The following GRB10 variants were observed in gnomAD, a reference collection of about 807,000 sequenced individuals.
The protein encoded by GRB10 is growth factor receptor-bound protein 10.
GRB10 carries 20 observed loss-of-function variants against 80.9 expected under a neutral mutation model. That is an observed-to-expected ratio of 0.25 (90% CI 0.17 to 0.36). The LOEUF (loss-of-function observed/expected upper bound fraction) is 0.36. GRB10 is among the 10% of genes least tolerant of loss of function. The pLI, the probability that GRB10 is intolerant of heterozygous loss-of-function variation, is 1.00. For missense variants in GRB10, 548 were observed against 747.7 expected, an observed-to-expected ratio of 0.73 and a Z score of 3.12; for synonymous variants, 291 against 291.5, an observed-to-expected ratio of 1.00 and a Z score of 0.02.
chr7:50,668,491 C>T (rs1185346708), intron 7 of GRB10, among the ~76,000 whole-genome samples: 1 of 152,262 alleles, frequency 6.6e-6, no homozygotes, highest in African/African-American at 2.4e-5. Flanking sequence ...CATCAGGTCT[C>T]AGCCACACTC....
intron 2 of GRB10, among the ~76,000 whole-genome samples, chr7:50,762,596 T>C (rs2075880583): frequency 6.6e-6 from 1 of 152,184 alleles, no homozygotes; most frequent in South Asian, 2.1e-4. Context: ...AATAAGATCA[T>C]GGATAGCTGG....
At chr7:50,627,080 C>G in intron 7 of GRB10, 102 bp from the exon 8 acceptor site, 4 of 1,199,076 alleles carry the variant, frequency 3.3e-6, no homozygotes, top group Non-Finnish European at 3.7e-6. Context: ...TAGTAGTGCT[C>G]CAACACATGG....
chr7:50,663,712 T>A (rs1472782007), intron 7 of GRB10, among the ~76,000 whole-genome samples: 1 of 152,192 alleles, frequency 6.6e-6, no homozygotes, highest in East Asian at 1.9e-4. Flanking sequence ...TGTGCAGACA[T>A]CATTTTGAAA....
intron 7 of GRB10, among the ~76,000 whole-genome samples, chr7:50,669,199 G>A (rs543392899): frequency 6.6e-6 from 1 of 152,294 alleles, no homozygotes; most frequent in South Asian, 2.1e-4. Flanking sequence ...AAAATATAAA[G>A]ATAAAACAGA....
chr7:50,710,857 T>C (rs1238443248), intron 4 of GRB10: 10 of 1,612,320 alleles, frequency 6.2e-6, no homozygotes, highest in Non-Finnish European at 8.5e-6. Flanking sequence ...GAGTGTTCGG[T>C]AGACAGCGGG....
intron 3 of GRB10, among the ~76,000 whole-genome samples, chr7:50,735,669 T>C (rs191018647): frequency 3.3e-5 from 5 of 152,316 alleles, no homozygotes; most frequent in East Asian, 1.9e-4. Context: ...TCTTACCTTA[T>C]GGTCAAACTC....
At chr7:50,595,771 G>C in intron 17 of GRB10, 1 of 473,610 alleles carries the variant, frequency 2.1e-6, no homozygotes, top group South Asian at 2.1e-5. Context: ...GGGCTCCTTG[G>C]GGATATGCCT....
intron 5 of GRB10, among the ~76,000 whole-genome samples, chr7:50,702,966 CT>C (rs889030481): frequency 2.0e-5 from 3 of 152,210 alleles, no homozygotes; most frequent in Non-Finnish European, 4.4e-5. Context: ...TTAAAATTTT[CT>C]TAAGCTTTGA....
intron 17 of GRB10, among the ~76,000 whole-genome samples, chr7:50,602,685 A>C (rs2047812341): frequency 6.6e-6 from 1 of 152,212 alleles, no homozygotes; most frequent in Admixed American, 6.5e-5. Context: ...ACCTTAAATA[A>C]CCTCAACTTA....
At chr7:50,785,993 C>T (rs191868046), upstream of GRB10, among the ~76,000 whole-genome samples, 20 of 152,150 alleles carry the variant, frequency 1.3e-4, no homozygotes, top group East Asian at 1.7e-3. Flanking sequence ...AGAGGCTGTG[C>T]GTGTGTGGGG....
chr7:50,638,444 A>G (rs900897015), intron 7 of GRB10, among the ~76,000 whole-genome samples: 2 of 152,212 alleles, frequency 1.3e-5, no homozygotes, highest in African/African-American at 4.8e-5. Flanking sequence ...ATGAACAGAC[A>G]TTTCTCAAAA....
chr7:50,724,975 T>C (rs2068361407), intron 4 of GRB10, among the ~76,000 whole-genome samples: 1 of 152,264 alleles, frequency 6.6e-6, no homozygotes, highest in Non-Finnish European at 1.5e-5. Context: ...CCTTTCCAAG[T>C]CTGCGTGCGC....
chr7:50,636,805 C>T (rs2055126177), intron 7 of GRB10, among the ~76,000 whole-genome samples: 1 of 152,004 alleles, frequency 6.6e-6, no homozygotes, highest in Non-Finnish European at 1.5e-5. Context: ...AAAGCATTTC[C>T]CCCTAAGAAC....
rs1054507754 is a variant in GRB10, at chr7:50,728,917, C to T, written c.51+3355G>A. Among the ~76,000 whole-genome samples, 9 of 152,316 alleles carry T rather than the reference C, an allele frequency of 5.9e-5. No individual in the cohort carries two copies. In the East Asian group the frequency reaches 9.7e-4, roughly 16 times the overall value. ...AACTCCTGGCCTCAAGTGGTCCACCCGCCTCTGCCTCCCAAAGTGCTGGGA... is the reference window on the plus strand; with the variant it reads ...AACTCCTGGCCTCAAGTGGTCCACCTGCCTCTGCCTCCCAAAGTGCTGGGA... On this transcript the variant is annotated intron_variant, in intron 4 of 18. Transcript: ENST00000401949.
chr7:50,674,715 C>A (rs2060736033), intron 5 of GRB10, 57 bp from the exon 6 acceptor site: 5 of 1,400,990 alleles, frequency 3.6e-6, no homozygotes, highest in East Asian at 2.3e-5. Context: ...AGCAATCAAA[C>A]CCAAATGTAC....
At chr7:50,731,785 C>T (rs2069780045) in intron 4 of GRB10, among the ~76,000 whole-genome samples, 1 of 152,234 alleles carries the variant, frequency 6.6e-6, no homozygotes, top group Non-Finnish European at 1.5e-5. Context: ...AAGAGCCAAT[C>T]TGTGGAGAGG....
intron 5 of GRB10, among the ~76,000 whole-genome samples, chr7:50,688,846 G>C (rs1033231177): frequency 6.6e-6 from 1 of 152,088 alleles, no homozygotes; most frequent in Non-Finnish European, 1.5e-5. Flanking sequence ...CCGAACTGTC[G>C]GCAAGCACAT....
At chr7:50,675,090 G>A (rs995620185) in intron 5 of GRB10, among the ~76,000 whole-genome samples, 1 of 152,172 alleles carries the variant, frequency 6.6e-6, no homozygotes, top group Non-Finnish European at 1.5e-5. Context: ...TTCCAGAAGT[G>A]AAACAAGAGA....
intron 7 of GRB10, among the ~76,000 whole-genome samples, chr7:50,659,411 G>C (rs1057108383): frequency 2.6e-5 from 4 of 152,130 alleles, no homozygotes; most frequent in Admixed American, 6.5e-5. Context: ...AGAGCTGAGG[G>C]AGCCTAGCCA....
Sources: allele counts gnomAD v4.1 joint callset (sites outside exome capture counted in the v4.1 genomes callset), GRCh38; gene constraint gnomAD v4.1.1; transcripts MANE v1.5; gene names NCBI Gene and HGNC (gene_info 2026-07-23, HGNC 2026-07-21).